The following STRN variants were observed in gnomAD, a reference collection of about 807,000 sequenced individuals.
The protein encoded by STRN is striatin.
A neutral mutation model predicts 96.3 loss-of-function variants in STRN; 53 were observed. The observed-to-expected ratio is 0.55, with a 90% CI of 0.44 to 0.69. The LOEUF is 0.69. Among genes scored for constraint, STRN ranks in the 30% least tolerant of loss-of-function variants. The pLI, the probability that STRN is intolerant of heterozygous loss-of-function variation, is 0.00. For missense variants in STRN, 987 were observed against 963.9 expected, an observed-to-expected ratio of 1.02 and a Z score of -0.32; for synonymous variants, 428 against 355.9, an observed-to-expected ratio of 1.20 and a Z score of -2.28.
At chr2:36,962,969 C>A (rs1048448193) in intron 1 of STRN, among the ~76,000 whole-genome samples, 3 of 152,174 alleles carry the variant, frequency 2.0e-5, no homozygotes, top group African/African-American at 7.2e-5. Context: ...TATTAGTATT[C>A]CTTCTCCAAT....
intron 6 of STRN, 58 bp from the exon 7 acceptor site, chr2:36,894,091 A>T: frequency 6.4e-7 from 1 of 1,550,680 alleles, no homozygotes; most frequent in East Asian, 2.3e-5. Context: ...ACCACTGAAT[A>T]AGAAAATTCA....
intron 3 of STRN, among the ~76,000 whole-genome samples, chr2:36,908,447 G>C (rs1669877646): frequency 6.6e-6 from 1 of 152,180 alleles, no homozygotes; most frequent in Non-Finnish European, 1.5e-5. Flanking sequence ...CAATCTGTAA[G>C]ATTCTGGAAT....
Position 36,966,365 on chromosome 2 carries a change from G to A in STRN, c.99C>T (p.Ala33=). The change falls in exon 1 of 18, where the codon GCC becomes GCT. Residue 33 remains alanine (A), a synonymous_variant. Transcript: ENST00000263918. ...GLGPLAEAAA[A]GDGAAAAGAA... Reference sequence around the variant, plus strand: ...CCCCCGCCGCAGCCGCCCCGTCGCCGGCCGCGGCAGCCTCCGCCAGAGGCC... The same window carrying A: ...CCCCCGCCGCAGCCGCCCCGTCGCCAGCCGCGGCAGCCTCCGCCAGAGGCC... 6.8e-7 allele frequency: 1 copy of A among 1,468,018 alleles called. No homozygotes were observed. The highest frequency in any genetic ancestry group is 9.0e-7 in the Non-Finnish European group (1 of 1,111,768). 90.9% of individuals were successfully genotyped at this position (1,468,018 alleles called of 1,614,324 possible).
At chr2:36,943,377 G>C (rs1242905686) in intron 1 of STRN, among the ~76,000 whole-genome samples, 4 of 148,478 alleles carry the variant, frequency 2.7e-5, no homozygotes, top group Non-Finnish European at 4.5e-5. Context: ...ATAAGTACAG[G>C]GACTAGAACT....
At chr2:36,869,415 AAC>A in intron 11 of STRN, 137 bp downstream of exon 11, 1 of 869,908 alleles carries the variant, frequency 1.1e-6, no homozygotes, top group Non-Finnish European at 1.6e-6. Context: ...TAAATGGAAA[AAC>A]ACAATAAATT....
chr2:36,907,943 A>G (rs942524580), intron 3 of STRN, among the ~76,000 whole-genome samples: 11 of 152,182 alleles, frequency 7.2e-5, no homozygotes, highest in African/African-American at 2.2e-4. Flanking sequence ...ATTAACTCCA[A>G]AAAGAAGCTA....
chr2:36,857,294 T>G lies in STRN; in HGVS notation c.1837+562A>C, dbSNP rs147332889. On this transcript the variant is annotated intron_variant, in intron 14 of 17. Coordinates refer to ENST00000263918, the MANE Select transcript of STRN (RefSeq NM_003162.4). ...CTATCAGACTCACTGAAATGTATCC[T>G]TAATATCTGTTTTTCACTACATACA... Among the ~76,000 whole-genome samples, 143 of 152,244 alleles carry G rather than the reference T, an allele frequency of 9.4e-4. 2 individuals carry two copies. The East Asian group carries it at 0.023, about 25-fold the overall frequency.
chr2:36,902,399 G>A (rs994101127), intron 5 of STRN, among the ~76,000 whole-genome samples, 185 bp downstream of exon 5: 6 of 151,924 alleles, frequency 3.9e-5, no homozygotes, highest in African/African-American at 1.5e-4. Flanking sequence ...TAATATTCTT[G>A]AATTAAAATA....
At chr2:36,927,502 C>T (rs1420466432) in intron 1 of STRN, among the ~76,000 whole-genome samples, 3 of 122,996 alleles carry the variant, frequency 2.4e-5, no homozygotes, top group Non-Finnish European at 4.9e-5. Context: ...GAGTGAGACC[C>T]TATATCAAAA....
intron 1 of STRN, among the ~76,000 whole-genome samples, chr2:36,938,659 AC>A (rs1291644923): frequency 6.6e-6 from 1 of 152,134 alleles, no homozygotes; most frequent in Admixed American, 6.5e-5. Flanking sequence ...GGTTATTAAA[AC>A]TATTAATATC....
rs970854651 is a variant in STRN, at chr2:36,916,208, A to G, written c.339-57T>C. 9 of 1,394,956 alleles carry G rather than the reference A, an allele frequency of 6.5e-6. No homozygotes were observed. In the African/African-American group the frequency reaches 9.9e-5, roughly 15 times the overall value. The allele number at this position is 1,394,956 out of a possible 1,614,324, so 86.4% of individuals were successfully genotyped here. On this transcript the variant is annotated intron_variant, in intron 2 of 17. Transcript: ENST00000263918. ...TTAAAATATGTTTAAATTAACATAC[A>G]CAATAGTAGTAGTCACAAGAATTCA...
intron 6 of STRN, among the ~76,000 whole-genome samples, chr2:36,899,043 C>A (rs2949393): frequency 0.95 from 145,140 of 152,284 alleles, 69,542 homozygotes; most frequent in East Asian, 1. Flanking sequence ...ATAAGCTTAT[C>A]AACATCTGAA....
Position 36,849,088 on chromosome 2 carries a change from C to A in STRN, c.*368G>T, listed in dbSNP as rs549894013. On this transcript the variant is annotated 3_prime_UTR_variant, in exon 18 of 18. Transcript: ENST00000263918. Reference sequence around the variant, plus strand: ...AGTTTCCCGTTTTCTTCTATTCAGTCCCAGCTATCAAGCTTTTAAATTATC... The same window carrying A: ...AGTTTCCCGTTTTCTTCTATTCAGTACCAGCTATCAAGCTTTTAAATTATC... The A allele has an allele frequency of 4.6e-4, 84 of 183,748 alleles. No individual in the cohort carries two copies. Among genetic ancestry groups the A allele is most frequent in the Non-Finnish European group, 8.2e-4 (71 of 86,770 alleles). The allele number at this position is 183,748 out of a possible 1,614,324, so 11.4% of individuals were successfully genotyped here.
chr2:36,912,941 T>C (rs1316881525), intron 3 of STRN, among the ~76,000 whole-genome samples: 1 of 152,246 alleles, frequency 6.6e-6, no homozygotes, highest in Non-Finnish European at 1.5e-5. Flanking sequence ...GTGCTTGCCT[T>C]GGCAGCACAT....
At chr2:36,955,220 C>T (rs1198755446) in intron 1 of STRN, among the ~76,000 whole-genome samples, 1 of 152,158 alleles carries the variant, frequency 6.6e-6, no homozygotes, top group Non-Finnish European at 1.5e-5. Context: ...TACTAGGACT[C>T]ATGGGTTCTA....
rs557429134 is a variant in STRN, at chr2:36,838,281, G to A, written c.*11175C>T. Among the ~76,000 whole-genome samples, 24 of 152,186 alleles carry A rather than the reference G, an allele frequency of 1.6e-4. No individual in the cohort carries two copies. The highest frequency in any genetic ancestry group is 2.9e-4 in the Non-Finnish European group (20 of 68,040). ...TCCATCCTCTGACTTTAATGAGGCTGGAAGCGAATTCCTCCTCAGAGCTTT... is the reference window on the plus strand; with the variant it reads ...TCCATCCTCTGACTTTAATGAGGCTAGAAGCGAATTCCTCCTCAGAGCTTT... On this transcript the variant is annotated 3_prime_UTR_variant, in exon 18 of 18. Transcript: ENST00000263918.
intron 10 of STRN, among the ~76,000 whole-genome samples, chr2:36,873,452 C>G (rs1410277163): frequency 1.3e-5 from 2 of 152,008 alleles, no homozygotes; most frequent in Non-Finnish European, 2.9e-5. Flanking sequence ...CCCAGGTACT[C>G]AAGAGGCTGA....
intron 12 of STRN, 37 bp downstream of exon 12, chr2:36,867,777 G>T: frequency 7.3e-7 from 1 of 1,373,934 alleles, no homozygotes. Context: ...ATTTTACAGA[G>T]ATATCGGTTT....
intron 2 of STRN, among the ~76,000 whole-genome samples, chr2:36,919,532 A>G (rs1325623859): frequency 2.6e-5 from 4 of 152,126 alleles, no homozygotes; most frequent in Non-Finnish European, 4.4e-5. Context: ...GAATAATTAC[A>G]CCCAAAAGGT....
Sources: gnomAD v4.1 joint callset for allele counts (sites outside exome capture counted in the v4.1 genomes callset) on GRCh38, gnomAD v4.1.1 for gene constraint, MANE v1.5 for transcripts, NCBI Gene and HGNC (gene_info 2026-07-23, HGNC 2026-07-21) for gene names.